Variants in NCAM2 observed in about 807,000 individuals in gnomAD.
The protein encoded by NCAM2 is N-CAM-2.
NCAM2 carries 30 observed loss-of-function variants against 98.1 expected under a neutral mutation model. The ratio of observed to expected loss-of-function variants is 0.31; its 90% CI spans 0.23 to 0.41. The LOEUF (loss-of-function observed/expected upper bound fraction) is 0.41. NCAM2 is among the 10% of genes least tolerant of loss of function. The pLI is 1.00. For synonymous variants in NCAM2, 368 were observed against 342.4 expected, an observed-to-expected ratio of 1.07 and a Z score of -0.83; for missense variants, 867 against 1,005.8, an observed-to-expected ratio of 0.86 and a Z score of 1.87.
At chr21:21,285,316 AAAAC>A (rs1294055384) in intron 3 of NCAM2, among the ~76,000 whole-genome samples, 2 of 151,848 alleles carry the variant, frequency 1.3e-5, no homozygotes, top group East Asian at 1.9e-4. Context: ...TAGGATATGA[AAAAC>A]AAAGTCGGAA....
chr21:21,265,434 TATATTATATATAC>T lies in NCAM2; in HGVS notation c.56-15142_56-15130del, dbSNP rs2072212803. 2.6e-4 allele frequency among the ~76,000 whole-genome samples: 10 copies of T among 38,498 alleles called. No individual in the cohort carries two copies. In the Admixed American group the frequency reaches 3.2e-3, roughly 12 times the overall value. 25.3% of individuals were successfully genotyped at this position (38,498 alleles called of 152,430 possible). A position where few individuals can be genotyped will look rare whatever the true frequency, so the allele number is the denominator to read the frequency against. ...TGTATATATAATATATGTGTGTATA[TATATTATATATAC>T]ACACATATATAATATATGTGTGTAT... On this transcript the variant is annotated intron_variant, in intron 1 of 17. Coordinates refer to ENST00000400546, the MANE Select transcript of NCAM2 (RefSeq NM_004540.5).
At chr21:21,281,741 A>C (rs1303855514) in intron 2 of NCAM2, among the ~76,000 whole-genome samples, 1 of 151,950 alleles carries the variant, frequency 6.6e-6, no homozygotes, top group African/African-American at 2.4e-5. Context: ...AATTGTTTCT[A>C]ATCTTGATTA....
chr21:21,268,785 G>T lies in NCAM2; in HGVS notation c.56-11793G>T, dbSNP rs553379910. On this transcript the variant is annotated intron_variant, in intron 1 of 17. Transcript: ENST00000400546. The stretch of plus-strand genomic sequence containing the variant: ...TTAGCTTTTTCTTCATTCTGAGAAG[G>T]TACCGAATTTGCCCCTTCACTTAAA... Among the ~76,000 whole-genome samples, 6 of 152,238 alleles carry T rather than the reference G, an allele frequency of 3.9e-5. No individual in the cohort carries two copies. The East Asian group carries it at 1.2e-3, about 29-fold the overall frequency.
chr21:21,081,564 G>C (rs1372500544), intron 1 of NCAM2, among the ~76,000 whole-genome samples: 1 of 152,124 alleles, frequency 6.6e-6, no homozygotes, highest in Admixed American at 6.5e-5. Context: ...ACTTTGGGAG[G>C]CTGAGACAAA....
intron 5 of NCAM2, among the ~76,000 whole-genome samples, chr21:21,307,971 G>A (rs2073936003): frequency 6.6e-6 from 1 of 151,918 alleles, no homozygotes; most frequent in African/African-American, 2.4e-5. Flanking sequence ...TTTAAATCAT[G>A]ATATTTAATG....
intron 1 of NCAM2, among the ~76,000 whole-genome samples, chr21:21,121,729 C>G (rs1054230954): frequency 3.3e-5 from 5 of 152,160 alleles, no homozygotes; most frequent in Non-Finnish European, 5.9e-5. Flanking sequence ...GTTTGGAAGT[C>G]TGATGGAAAA....
At chr21:21,069,421 C>T (rs2065510655) in intron 1 of NCAM2, among the ~76,000 whole-genome samples, 1 of 152,056 alleles carries the variant, frequency 6.6e-6, no homozygotes, top group South Asian at 2.1e-4. Context: ...GACTATTTTC[C>T]CAGAGTAGTA....
At chr21:21,305,252 A>T (rs1223779710) in intron 5 of NCAM2, among the ~76,000 whole-genome samples, 1 of 152,140 alleles carries the variant, frequency 6.6e-6, no homozygotes, top group Non-Finnish European at 1.5e-5. Flanking sequence ...CGGGAGGTGG[A>T]GGTTGCGGTG....
chr21:21,071,490 T>A (rs1292853880), intron 1 of NCAM2, among the ~76,000 whole-genome samples: 5 of 152,212 alleles, frequency 3.3e-5, no homozygotes, highest in African/African-American at 7.2e-5. Context: ...GCATTTGATT[T>A]TGTGTTTGAG....
At chr21:21,082,750 C>A (rs11911993) in intron 1 of NCAM2, among the ~76,000 whole-genome samples, 139,773 of 152,200 alleles carry the variant, frequency 0.92, 64,370 homozygotes, top group Non-Finnish European at 0.96. Flanking sequence ...TTAGAACTGC[C>A]GTTTTCTCCT....
chr21:21,132,589 C>A (rs2066959060), intron 1 of NCAM2, among the ~76,000 whole-genome samples: 1 of 152,172 alleles, frequency 6.6e-6, no homozygotes, highest in Non-Finnish European at 1.5e-5. Flanking sequence ...GATTGTAGCA[C>A]AGTCCCTACA....
intron 12 of NCAM2, among the ~76,000 whole-genome samples, chr21:21,460,121 G>C (rs56126034): frequency 6.6e-6 from 1 of 151,626 alleles, no homozygotes; most frequent in Non-Finnish European, 1.5e-5. Context: ...AGCATATACA[G>C]TAATATCATT....
intron 1 of NCAM2, among the ~76,000 whole-genome samples, chr21:21,159,324 G>C (rs1175802074): frequency 6.6e-6 from 1 of 152,038 alleles, no homozygotes; most frequent in Non-Finnish European, 1.5e-5. Context: ...ATTTAGTGTA[G>C]TATAAGTTTA....
At chr21:21,414,809 A>G (rs1378097310) in intron 10 of NCAM2, among the ~76,000 whole-genome samples, 1 of 152,060 alleles carries the variant, frequency 6.6e-6, no homozygotes, top group Non-Finnish European at 1.5e-5. Flanking sequence ...GAAAGTTGAA[A>G]TTACTCCTTG....
chr21:21,506,429 A>C (rs1987981729), intron 15 of NCAM2, among the ~76,000 whole-genome samples: 1 of 152,120 alleles, frequency 6.6e-6, no homozygotes, highest in Admixed American at 6.6e-5. Context: ...TAATGGAAGA[A>C]AATATATACC....
At chr21:21,415,337 T>C (rs2076969346) in intron 10 of NCAM2, among the ~76,000 whole-genome samples, 1 of 136,032 alleles carries the variant, frequency 7.4e-6, no homozygotes, top group Non-Finnish European at 1.6e-5. Context: ...GATCTTTTTT[T>C]TTTTTTTTTT....
chr21:21,469,108 A>G (rs1279798077), intron 14 of NCAM2, among the ~76,000 whole-genome samples: 3 of 151,982 alleles, frequency 2.0e-5, no homozygotes, highest in Non-Finnish European at 4.4e-5. Flanking sequence ...TAGTAACTTC[A>G]GGCTAAGTCC....
intron 1 of NCAM2, among the ~76,000 whole-genome samples, chr21:21,257,863 G>A (rs964091389): frequency 2.0e-5 from 3 of 152,202 alleles, no homozygotes; most frequent in African/African-American, 7.2e-5. Flanking sequence ...TTACAGGCAT[G>A]AGCCACTGTA....
chr21:21,349,097 A>T (rs1330572230), intron 8 of NCAM2, among the ~76,000 whole-genome samples: 1 of 152,164 alleles, frequency 6.6e-6, no homozygotes, highest in Admixed American at 6.5e-5. Flanking sequence ...GATCACATCA[A>T]ATTAAAAGCC....
Sources: allele counts gnomAD v4.1 joint callset (sites outside exome capture counted in the v4.1 genomes callset), GRCh38; gene constraint gnomAD v4.1.1; transcripts MANE v1.5; gene names NCBI Gene and HGNC (gene_info 2026-07-23, HGNC 2026-07-21).